The following MALT1 variants were observed in gnomAD, a reference collection of about 807,000 sequenced individuals.
MALT1 encodes the protein mucosa-associated lymphoid tissue lymphoma translocation protein 1.
MALT1 carries 36 observed loss-of-function variants against 85.5 expected under a neutral mutation model. The ratio of observed to expected loss-of-function variants is 0.42; its 90% CI spans 0.32 to 0.56. MALT1 has a LOEUF of 0.56. MALT1 is among the 20% of genes least tolerant of loss of function. MALT1 has a pLI of 0.10. For synonymous variants in MALT1, 359 were observed against 361.3 expected (o/e 0.99, Z 0.07); for missense variants, 716 against 981.6 (o/e 0.73, Z 3.62).
chr18:58,737,288 T>G (rs1293418016), intron 13 of MALT1, among the ~76,000 whole-genome samples: 1 of 152,108 alleles, frequency 6.6e-6, no homozygotes, highest in African/African-American at 2.4e-5. Flanking sequence ...GAGACCAACC[T>G]AGGCAACATT....
intron 1 of MALT1, chr18:58,672,625 A>G (rs1332292169): frequency 1.3e-5 from 2 of 152,248 alleles, no homozygotes; most frequent in African/African-American, 2.4e-5. Flanking sequence ...CATTTAAAAA[A>G]TATTAATTTA....
At chr18:58,747,320 T>C in intron 16 of MALT1, 85 bp from the exon 17 acceptor site, 1 of 820,388 alleles carries the variant, frequency 1.2e-6, no homozygotes, top group Middle Eastern at 3.0e-4. Flanking sequence ...TTTTTGGGGG[T>C]GGGGGTGTGT....
chr18:58,733,908 G>A (rs1156431353), intron 11 of MALT1: 2 of 1,147,246 alleles, frequency 1.7e-6, no homozygotes, highest in African/African-American at 1.6e-5. Flanking sequence ...CACCCATGGA[G>A]TTGGGATCTC....
intron 11 of MALT1, chr18:58,733,930 C>T (rs982849231): frequency 4.4e-6 from 5 of 1,146,834 alleles, no homozygotes; most frequent in Non-Finnish European, 5.4e-6. Context: ...GCTCACTAGT[C>T]AGTCCTGGTC....
chr18:58,705,170 C>A (rs952030654), intron 4 of MALT1, among the ~76,000 whole-genome samples: 1 of 152,070 alleles, frequency 6.6e-6, no homozygotes, highest in African/African-American at 2.4e-5. Flanking sequence ...AAACCTTCTA[C>A]ATATTCTACC....
rs73961670 is a variant in MALT1 at position 58,685,474 on chromosome 18, C to A, written c.376+4138C>A. 9.7e-3 allele frequency among the ~76,000 whole-genome samples: 1,485 copies of A among 152,316 alleles called. 24 individuals carry two copies. Among genetic ancestry groups the A allele is most frequent in the African/African-American group, 0.033 (1,384 of 41,570 alleles). ...GTCTTTTGAGAAACTGACCAAGTTTCTTTTCTGGATTTGTTTTGGTGCCCA... is the reference window on the plus strand; with the variant it reads ...GTCTTTTGAGAAACTGACCAAGTTTATTTTCTGGATTTGTTTTGGTGCCCA... On this transcript the variant is annotated intron_variant, in intron 2 of 16. Transcript: ENST00000649217.
Position 58,701,587 on chromosome 18 carries a change from A to C in MALT1, c.649+996A>C, listed in dbSNP as rs140466792. On this transcript the variant is annotated intron_variant, in intron 4 of 16. Coordinates refer to ENST00000649217, the MANE Select transcript of MALT1 (RefSeq NM_006785.4). ...GTAGTAGTCGCTTACCAGTTATGCA[A>C]TTCATTGACCACCCTCATGAGGCAC... Among the ~76,000 whole-genome samples the C allele has an allele frequency of 3.9e-5, 6 of 152,290 alleles. No individual in the cohort carries two copies. The East Asian group carries it at 5.8e-4, about 15-fold the overall frequency.
chr18:58,678,978 A>G (rs561053379), intron 1 of MALT1, among the ~76,000 whole-genome samples: 1 of 152,238 alleles, frequency 6.6e-6, no homozygotes, highest in African/African-American at 2.4e-5. Context: ...ACAGTATATC[A>G]TGCAGATTAT....
chr18:58,744,295 C>T (rs780070792), intron 14 of MALT1, 43 bp from the exon 15 acceptor site: 3 of 1,436,782 alleles, frequency 2.1e-6, no homozygotes, highest in South Asian at 2.7e-5. Context: ...TGCCTCTTAT[C>T]ATCAGAAAAC....
chr18:58,699,099 C>T (rs983044981), intron 3 of MALT1, among the ~76,000 whole-genome samples: 138 of 152,326 alleles, frequency 9.1e-4, no homozygotes, highest in Admixed American at 6.5e-3. Flanking sequence ...CATACCAACT[C>T]AGGGGTTCTG....
intron 2 of MALT1, chr18:58,691,718 A>G (rs1365489791): frequency 6.5e-6 from 1 of 154,442 alleles, no homozygotes; most frequent in African/African-American, 2.4e-5. Flanking sequence ...AATACAAAAA[A>G]TTAGCTGGGC....
chr18:58,733,587 A>G lies in MALT1; in HGVS notation c.1400+13A>G. The G allele has an allele frequency of 6.4e-7, 1 of 1,553,068 alleles. No homozygotes were observed. The highest frequency in any genetic ancestry group is 8.8e-7 in the Non-Finnish European group (1 of 1,141,654). On this transcript the variant is annotated intron_variant, in intron 11 of 16. Coordinates refer to ENST00000649217, the MANE Select transcript of MALT1 (RefSeq NM_006785.4). ...TGTGTAGGAAAAGGTAAGTTTTCTA[A>G]TCTTTATTAAAGAATTGTTGGAGTT... is the stretch of plus-strand genomic sequence containing the variant.
chr18:58,704,887 C>A lies in MALT1; in HGVS notation c.649+4296C>A, dbSNP rs74508852. 3.3e-3 allele frequency among the ~76,000 whole-genome samples: 505 copies of A among 152,192 alleles called. 2 individuals are homozygous for A. Among genetic ancestry groups the A allele is most frequent in the African/African-American group, 0.012 (483 of 41,514 alleles). ...TTTTTGCTCTAGTCTAGAAAAAAGT[C>A]TCTTTCAAGGTGTTTAGTCCATTTA... On this transcript the variant is annotated intron_variant, in intron 4 of 16. Transcript: ENST00000649217.
chr18:58,695,517 A>C (rs2054574149), intron 2 of MALT1, among the ~76,000 whole-genome samples: 1 of 152,252 alleles, frequency 6.6e-6, no homozygotes, highest in Non-Finnish European at 1.5e-5. Flanking sequence ...TTTCTCTTCC[A>C]AAATCATTTT....
chr18:58,748,396 A>G lies in MALT1; in HGVS notation c.*554A>G, dbSNP rs2055402193. 1 of 178,678 alleles carries G rather than the reference A, an allele frequency of 5.6e-6. No individual in the cohort carries two copies. The highest frequency in any genetic ancestry group is 2.4e-5 in the African/African-American group (1 of 42,448). The allele number at this position is 178,678 out of a possible 1,614,324, so 11.1% of individuals were successfully genotyped here. ...GAAATATATTTATATATATATAAAT[A>G]TATACAGATACATATCTGTGTATTA... On this transcript the variant is annotated 3_prime_UTR_variant, in exon 17 of 17. Transcript: ENST00000649217.
At chr18:58,705,322 GTATT>G (rs1402132439) in intron 4 of MALT1, among the ~76,000 whole-genome samples, 4 of 148,142 alleles carry the variant, frequency 2.7e-5, no homozygotes, top group Admixed American at 6.8e-5. Flanking sequence ...GTGTGTGTGT[GTATT>G]TATTTTTATT....
chr18:58,671,583 G>T lies in MALT1; in HGVS notation c.-61G>T. 1 of 1,115,546 alleles carries T rather than the reference G, an allele frequency of 9.0e-7. No homozygotes were observed. Among genetic ancestry groups the T allele is most frequent in the African/African-American group, 1.6e-5 (1 of 61,602 alleles). The allele number at this position is 1,115,546 out of a possible 1,614,324, so 69.1% of individuals were successfully genotyped here. ...CGGAGGCGAGCGGAAGGTGCCCCGGGGCCGAGGCCCGTGACGGGGCGGGCG... is the reference window on the plus strand; with the variant it reads ...CGGAGGCGAGCGGAAGGTGCCCCGGTGCCGAGGCCCGTGACGGGGCGGGCG... On this transcript the variant is annotated 5_prime_UTR_variant, in exon 1 of 17. Transcript: ENST00000649217.
At position 58,743,145 on chromosome 18, in the gene MALT1, TG is replaced by T. The variant is rs1260507493; in HGVS notation, c.1753+1134del. Among the ~76,000 whole-genome samples, 22 of 152,082 alleles carry T rather than the reference TG, an allele frequency of 1.4e-4. 1 individual carries two copies. Among genetic ancestry groups the T allele is most frequent in the Admixed American group, 1.4e-3 (22 of 15,264 alleles). ...ATCCCAGCACTTTGGGAGGCCAAGG[TG>T]GGTAGATCACCTGAGGTCAGGGGTT... On this transcript the variant is annotated intron_variant, in intron 14 of 16. Coordinates refer to ENST00000649217, the MANE Select transcript of MALT1 (RefSeq NM_006785.4).
At chr18:58,709,219 C>G (rs371611793) in intron 4 of MALT1, among the ~76,000 whole-genome samples, 159 bp from the exon 5 acceptor site, 1 of 152,094 alleles carries the variant, frequency 6.6e-6, no homozygotes, top group East Asian at 1.9e-4. Flanking sequence ...CAGAATATCT[C>G]GTAATATTTC....
Sources: gnomAD v4.1 joint callset for allele counts (sites outside exome capture counted in the v4.1 genomes callset) on GRCh38, gnomAD v4.1.1 for gene constraint, MANE v1.5 for transcripts, NCBI Gene and HGNC (gene_info 2026-07-23, HGNC 2026-07-21) for gene names.